Variants in FARP1 observed in about 807,000 individuals in gnomAD.
The protein encoded by FARP1 is FERM, ARHGEF and pleckstrin domain-containing protein 1.
In FARP1, 52 loss-of-function variants were observed where a neutral mutation model predicts 128.8. The observed-to-expected ratio is 0.40, with a 90% CI of 0.32 to 0.51. FARP1 has a LOEUF of 0.51. Ranked by LOEUF, FARP1 falls within the 20% of genes least tolerant of loss-of-function variation. The pLI, the probability that FARP1 is intolerant of heterozygous loss-of-function variation, is 0.45. For missense variants in FARP1, 1,333 were observed against 1,367.9 expected, an observed-to-expected ratio of 0.97 and a Z score of 0.40; for synonymous variants, 580 against 551.8, an observed-to-expected ratio of 1.05 and a Z score of -0.72.
Position 98,393,708 on chromosome 13 carries a change from T to G in FARP1, c.1154T>G (p.Val385Gly), listed in dbSNP as rs764049827. 1 of 1,613,612 alleles carries G rather than the reference T, an allele frequency of 6.2e-7. No homozygotes were observed. Among genetic ancestry groups the G allele is most frequent in the South Asian group, 1.1e-5 (1 of 91,008 alleles). ...CAGCCTACAGAACTGAATTCGGAAG[T>G]GCTGGAGCAGGTCAGTGATGGCGCT... Reference protein sequence around the residue: ...ASQPTELNSEVLEQSQQSTSL... With the variant: ...ASQPTELNSEGLEQSQQSTSL... The change falls in exon 12 of 27, where the codon GTG (valine) becomes GGG (glycine). Residue 385 changes from valine (V) to glycine (G), a missense_variant. Val to Gly is a moderately radical substitution (Grantham distance 109, BLOSUM62 -3). This residue lies in a region of FARP1 where 1,009 missense variants were observed against 969.8 expected (regional missense o/e 1.04). Coordinates refer to ENST00000319562, the MANE Select transcript of FARP1 (RefSeq NM_005766.4).
intron 2 of FARP1, among the ~76,000 whole-genome samples, chr13:98,226,745 C>T (rs998038012): frequency 2.0e-5 from 3 of 152,072 alleles, no homozygotes; most frequent in Non-Finnish European, 4.4e-5. Context: ...TACGGGTGGC[C>T]ATATGAGATG....
At chr13:98,422,303 G>C (rs797003657) in intron 16 of FARP1, among the ~76,000 whole-genome samples, 21 of 152,342 alleles carry the variant, frequency 1.4e-4, no homozygotes, top group East Asian at 1.2e-3. Context: ...TGGTTCAGAG[G>C]TTAACAGCTA....
Position 98,395,291 on chromosome 13 carries a change from G to A in FARP1, c.1229G>A (p.Arg410Gln), listed in dbSNP as rs752102184. The part of the protein sequence containing the change: ...GAESPGGQSC[R>Q]RGKEPKVSAG... Reference sequence around the variant, plus strand: ...GAATCTCCAGGGGGCCAGAGCTGCCGGCGAGGAAAGGAACCGAAGGTTTCC... The same window carrying A: ...GAATCTCCAGGGGGCCAGAGCTGCCAGCGAGGAAAGGAACCGAAGGTTTCC... Residue 410 changes from arginine (R) to glutamine (Q), a missense_variant, in exon 13 of 27, where the codon CGG (arginine) becomes CAG (glutamine). Transcript: ENST00000319562. 6.2e-7 allele frequency: 1 copy of A among 1,609,386 alleles called. No individual in the cohort carries two copies. Among genetic ancestry groups the A allele is most frequent in the East Asian group, 2.2e-5 (1 of 44,732 alleles).
intron 2 of FARP1, among the ~76,000 whole-genome samples, chr13:98,226,246 G>T (rs897771201): frequency 1.3e-4 from 20 of 152,182 alleles, no homozygotes; most frequent in Admixed American, 1.2e-3. Flanking sequence ...CTGGAGGTTT[G>T]CTGGTAATCT....
At chr13:98,263,855 T>A (rs1401352301) in intron 2 of FARP1, among the ~76,000 whole-genome samples, 1 of 152,164 alleles carries the variant, frequency 6.6e-6, no homozygotes. Context: ...TTATTTTTAG[T>A]GCTCCCCCCC....
chr13:98,409,092 C>G (rs1594502407), intron 13 of FARP1, among the ~76,000 whole-genome samples: 1 of 152,128 alleles, frequency 6.6e-6, no homozygotes, highest in East Asian at 1.9e-4. Flanking sequence ...TAATTGCTAT[C>G]TAAGCAGAGT....
chr13:98,223,346 A>T (rs904871177), intron 2 of FARP1, among the ~76,000 whole-genome samples: 1 of 152,218 alleles, frequency 6.6e-6, no homozygotes, highest in African/African-American at 2.4e-5. Flanking sequence ...TGTTTGTTTG[A>T]GACAGAGTCT....
chr13:98,290,641 T>C (rs1023515032), intron 2 of FARP1, among the ~76,000 whole-genome samples: 3 of 152,112 alleles, frequency 2.0e-5, no homozygotes, highest in African/African-American at 4.8e-5. Flanking sequence ...AAGGACCACA[T>C]TGGCTGCTGA....
chr13:98,431,918 T>A (rs907820264), intron 18 of FARP1: 4 of 152,252 alleles, frequency 2.6e-5, no homozygotes, highest in African/African-American at 9.6e-5. Context: ...GGAAGCTTGC[T>A]TCTACCCACG....
At chr13:98,297,940 G>A (rs563519596) in intron 2 of FARP1, among the ~76,000 whole-genome samples, 5 of 152,294 alleles carry the variant, frequency 3.3e-5, no homozygotes, top group East Asian at 1.9e-4. Flanking sequence ...AATTATCCAC[G>A]TTCCCTGTAT....
intron 2 of FARP1, among the ~76,000 whole-genome samples, chr13:98,275,651 C>A: frequency 7.9e-6 from 1 of 127,084 alleles, no homozygotes; most frequent in South Asian, 2.5e-4. Context: ...TTTTTTGCAT[C>A]TCTGAAAGAC....
chr13:98,357,898 C>T (rs986275274), intron 3 of FARP1, among the ~76,000 whole-genome samples: 1 of 152,040 alleles, frequency 6.6e-6, no homozygotes, highest in Non-Finnish European at 1.5e-5. Flanking sequence ...GACTTGTTAG[C>T]CTGGACACTG....
At chr13:98,257,015 A>C (rs1883652022) in intron 2 of FARP1, among the ~76,000 whole-genome samples, 1 of 140,464 alleles carries the variant, frequency 7.1e-6, no homozygotes, top group African/African-American at 2.6e-5. Context: ...CTTCTGAAGG[A>C]AAGTTTGGTT....
At chr13:98,384,904 C>A in intron 7 of FARP1, 60 bp downstream of exon 7, 1 of 932,236 alleles carries the variant, frequency 1.1e-6, no homozygotes, top group Non-Finnish European at 1.8e-6. Context: ...CTCCAACCTA[C>A]ATGGGTGTAC....
chr13:98,406,057 A>G (rs1890958985), intron 13 of FARP1: 2 of 152,094 alleles, frequency 1.3e-5, no homozygotes, highest in South Asian at 4.1e-4. Flanking sequence ...AGTTCTAATA[A>G]CTCTGTGACC....
intron 2 of FARP1, among the ~76,000 whole-genome samples, chr13:98,313,894 C>G (rs1329686): frequency 0.51 from 77,660 of 152,148 alleles, 21,602 homozygotes; most frequent in East Asian, 0.7. Flanking sequence ...AAAGACTAGA[C>G]TTCGAGAAAA....
At chr13:98,369,256 G>T (rs532789655) in intron 5 of FARP1, among the ~76,000 whole-genome samples, 28 of 151,836 alleles carry the variant, frequency 1.8e-4, no homozygotes, top group Middle Eastern at 6.9e-3. Flanking sequence ...GACTGATGGT[G>T]TTCCAAAAGA....
At chr13:98,221,381 A>T (rs1219411537) in intron 2 of FARP1, among the ~76,000 whole-genome samples, 1 of 152,200 alleles carries the variant, frequency 6.6e-6, no homozygotes, top group Non-Finnish European at 1.5e-5. Flanking sequence ...AGATGGAGTC[A>T]TTCCTCTTAG....
chr13:98,346,303 C>T (rs1888176582), intron 3 of FARP1, among the ~76,000 whole-genome samples: 1 of 150,496 alleles, frequency 6.6e-6, no homozygotes, highest in South Asian at 2.1e-4. Context: ...AATTCTCCTG[C>T]CTCAGCCTCC....
Sources: allele counts gnomAD v4.1 joint callset (sites outside exome capture counted in the v4.1 genomes callset), GRCh38; gene constraint gnomAD v4.1.1; regional missense constraint gnomAD v4.1.1; transcripts MANE v1.5; gene names NCBI Gene and HGNC (gene_info 2026-07-23, HGNC 2026-07-21).